The following ITGA8 variants were observed in gnomAD, a reference collection of about 807,000 sequenced individuals.
ITGA8 encodes integrin alpha-8.
ITGA8 carries 91 observed loss-of-function variants against 142.3 expected under a neutral mutation model. The observed-to-expected ratio is 0.64, with a 90% CI of 0.54 to 0.76. The LOEUF is 0.76. Among genes scored for constraint, ITGA8 ranks in the 30% least tolerant of loss-of-function variants. The probability of loss-of-function intolerance (pLI) is 0.00; values close to 1 mark genes in which losing one functional copy is unlikely to be tolerated. For synonymous variants in ITGA8, 505 were observed against 485.2 expected (o/e 1.04, Z -0.54); for missense variants, 1,406 against 1,327.7 (o/e 1.06, Z -0.92).
chr10:15,676,474 C>T (rs1357954262), intron 6 of ITGA8, among the ~76,000 whole-genome samples: 4 of 152,104 alleles, frequency 2.6e-5, no homozygotes, highest in African/African-American at 4.8e-5. Context: ...CCAGCCCCAT[C>T]ACCACATGCC....
At chr10:15,656,615 G>A (rs564538436) in intron 10 of ITGA8, among the ~76,000 whole-genome samples, 29 of 152,094 alleles carry the variant, frequency 1.9e-4, no homozygotes, top group Middle Eastern at 3.4e-3. Context: ...CCACCCACTC[G>A]GCCTCCCAAA....
At chr10:15,604,470 A>T in intron 19 of ITGA8, 115 bp from the exon 20 acceptor site, 1 of 720,782 alleles carries the variant, frequency 1.4e-6, no homozygotes, top group South Asian at 2.1e-5. Context: ...AAAAAAGAAG[A>T]TGGACCATCA....
chr10:15,624,654 C>T (rs913264476), intron 13 of ITGA8, among the ~76,000 whole-genome samples: 1 of 152,194 alleles, frequency 6.6e-6, no homozygotes, highest in African/African-American at 2.4e-5. Flanking sequence ...AGAATCTCCT[C>T]CAGGAACTGC....
At chr10:15,607,603 G>T in intron 17 of ITGA8, 74 bp downstream of exon 17, 1 of 1,413,330 alleles carries the variant, frequency 7.1e-7, no homozygotes, top group Non-Finnish European at 1.0e-6. Flanking sequence ...CAAACATGAT[G>T]GTTAAATGGA....
intron 6 of ITGA8, among the ~76,000 whole-genome samples, chr10:15,676,106 C>G (rs1426413920): frequency 2.6e-5 from 4 of 152,074 alleles, no homozygotes; most frequent in Non-Finnish European, 4.4e-5. Flanking sequence ...CTCTTCTTCC[C>G]TCACTCTCTT....
intron 13 of ITGA8, among the ~76,000 whole-genome samples, chr10:15,629,152 C>T (rs1215035443): frequency 6.6e-6 from 1 of 151,948 alleles, no homozygotes; most frequent in Non-Finnish European, 1.5e-5. Context: ...GAAATTAAAT[C>T]TTGGGACCCC....
intron 8 of ITGA8, among the ~76,000 whole-genome samples, chr10:15,666,667 G>A (rs1432154206): frequency 2.0e-5 from 3 of 152,082 alleles, no homozygotes; most frequent in African/African-American, 4.8e-5. Context: ...GTCATAGATA[G>A]CTCTTATTAT....
At chr10:15,664,597 TG>T (rs1243648487) in intron 8 of ITGA8, among the ~76,000 whole-genome samples, 1 of 151,878 alleles carries the variant, frequency 6.6e-6, no homozygotes, top group Non-Finnish European at 1.5e-5. Flanking sequence ...ACATGTGCCA[TG>T]TTGGTGTGCT....
At chr10:15,705,725 A>G (rs1436667735) in intron 2 of ITGA8, among the ~76,000 whole-genome samples, 3 of 152,236 alleles carry the variant, frequency 2.0e-5, no homozygotes, top group Admixed American at 2.0e-4. Context: ...CTGTAACTGG[A>G]TTTTTCAGTC....
At chr10:15,570,857 C>A (rs1390772431) in intron 25 of ITGA8, among the ~76,000 whole-genome samples, 4 of 152,078 alleles carry the variant, frequency 2.6e-5, no homozygotes, top group Non-Finnish European at 5.9e-5. Flanking sequence ...AAACATTACA[C>A]TCAAAAAGAG....
chr10:15,590,977 G>T (rs74228703), intron 22 of ITGA8, among the ~76,000 whole-genome samples: 4 of 152,138 alleles, frequency 2.6e-5, no homozygotes, highest in African/African-American at 9.6e-5. Flanking sequence ...TTTGTGACAT[G>T]GGTTGTGGAT....
intron 11 of ITGA8, among the ~76,000 whole-genome samples, chr10:15,649,245 A>G (rs185940892): frequency 7.2e-5 from 11 of 152,140 alleles, no homozygotes; most frequent in African/African-American, 2.6e-4. Context: ...ATATGTAACA[A>G]TAACATATAT....
intron 27 of ITGA8, among the ~76,000 whole-genome samples, chr10:15,548,152 C>T (rs1044774946): frequency 6.6e-6 from 1 of 150,578 alleles, no homozygotes; most frequent in African/African-American, 2.5e-5. Context: ...AGTGCAGTGG[C>T]ACAATCTTGG....
intron 2 of ITGA8, among the ~76,000 whole-genome samples, chr10:15,693,411 C>G (rs1408148237): frequency 1.3e-5 from 2 of 152,186 alleles, no homozygotes; most frequent in African/African-American, 2.4e-5. Context: ...CATACTCAAT[C>G]TTAACCTAAA....
At chr10:15,556,025 T>TTA (rs1241160109) in intron 26 of ITGA8, among the ~76,000 whole-genome samples, 3 of 78,924 alleles carry the variant, frequency 3.8e-5, no homozygotes, top group African/African-American at 1.5e-4. Context: ...TCTCTTTTTT[T>TTA]TTTTTTTTTT....
chr10:15,545,986 C>A (rs1419739904), intron 27 of ITGA8, among the ~76,000 whole-genome samples: 1 of 152,198 alleles, frequency 6.6e-6, no homozygotes, highest in Non-Finnish European at 1.5e-5. Context: ...TACTGACACA[C>A]TGGTCTCCAT....
intron 2 of ITGA8, among the ~76,000 whole-genome samples, chr10:15,713,833 C>T (rs1465927810): frequency 6.6e-6 from 1 of 152,096 alleles, no homozygotes; most frequent in East Asian, 1.9e-4. Context: ...ATCCAATTGT[C>T]TTCCATTTTA....
At chr10:15,561,245 A>ATATATATATATATG (rs1554772750) in intron 25 of ITGA8, among the ~76,000 whole-genome samples, 45 of 133,800 alleles carry the variant, frequency 3.4e-4, no homozygotes, top group African/African-American at 1.2e-3. Context: ...GTATATATAT[A>ATATATATATATATG]TATATATATG....
At chr10:15,593,659 C>G (rs1832961371) in intron 21 of ITGA8, among the ~76,000 whole-genome samples, 1 of 152,128 alleles carries the variant, frequency 6.6e-6, no homozygotes, top group African/African-American at 2.4e-5. Context: ...CACCAGTTCA[C>G]CAGCCCTTGC....
Sources: allele counts gnomAD v4.1 joint callset (sites outside exome capture counted in the v4.1 genomes callset), GRCh38; gene constraint gnomAD v4.1.1; transcripts MANE v1.5; gene names NCBI Gene and HGNC (gene_info 2026-07-23, HGNC 2026-07-21).